CYP4F2: variants seen among roughly 807,000 people sequenced by gnomAD.
CYP4F2 encodes the protein cytochrome P450 4F2.
Under a neutral mutation model 58.9 loss-of-function variants are expected in CYP4F2, and 58 were observed. The ratio of observed to expected loss-of-function variants is 0.98; its 90% CI spans 0.80 to 1.23. The LOEUF (loss-of-function observed/expected upper bound fraction) is 1.23. Ranked by LOEUF, CYP4F2 falls within the 50% of genes most tolerant of loss-of-function variation. The pLI is 0.00. For synonymous variants in CYP4F2, 287 were observed against 261.1 expected (o/e 1.10, Z -0.95); for missense variants, 616 against 685.6 (o/e 0.90, Z 1.13).
chr19:15,893,250 G>A (rs2089427566), intron 3 of CYP4F2, among the ~76,000 whole-genome samples: 1 of 151,708 alleles, frequency 6.6e-6, no homozygotes, highest in African/African-American at 2.4e-5. Flanking sequence ...CTCAAATAAT[G>A]TCTCAGACAG....
Position 15,892,583 on chromosome 19 carries a change from C to T in CYP4F2, c.344-1G>A, listed in dbSNP as rs763450661. 3.7e-6 allele frequency: 6 copies of T among 1,613,628 alleles called. No individual in the cohort carries two copies. The highest frequency in any genetic ancestry group is 5.1e-6 in the Non-Finnish European group (6 of 1,179,812). On this transcript the variant is annotated splice_acceptor_variant, in intron 3 of 12. Coordinates refer to ENST00000221700, the MANE Select transcript of CYP4F2 (RefSeq NM_001082.5). LOFTEE classifies it high-confidence loss of function. ...AACTTGTCCTTTGGTGCAATGGCAG[C>T]TGACATAAATGAGGACAATCAGGGG...
chr19:15,895,690 AATTCT>A (rs1159615253), intron 2 of CYP4F2, 40 bp from the exon 3 acceptor site: 1 of 1,575,560 alleles, frequency 6.3e-7, no homozygotes, highest in Non-Finnish European at 8.6e-7. Context: ...TGTGATAGTT[AATTCT>A]AGGTGTCTAC....
At position 15,879,743 on chromosome 19, in the gene CYP4F2, TC is replaced by T. The variant is rs751153405; in HGVS notation, c.1249+20del. 96 of 1,613,756 alleles carry T rather than the reference TC, an allele frequency of 5.9e-5. 4 individuals carry two copies. In the East Asian group the frequency reaches 2.1e-3, roughly 35 times the overall value. ...CCCCTCTTCCTACCCAGGAGACTCC[TC>T]CCCGTGAGGCTGTGAGCACCTTTGG... On this transcript the variant is annotated intron_variant, in intron 10 of 12. Transcript: ENST00000221700.
At chr19:15,884,718 T>C (rs967178574) in intron 9 of CYP4F2, among the ~76,000 whole-genome samples, 1 of 151,792 alleles carries the variant, frequency 6.6e-6, no homozygotes, top group Admixed American at 6.6e-5. Context: ...TGGGCAAAGG[T>C]GTGGACGAGA....
chr19:15,882,231 C>G (rs12459936), intron 9 of CYP4F2, among the ~76,000 whole-genome samples: 3 of 146,420 alleles, frequency 2.0e-5, no homozygotes, highest in Non-Finnish European at 3.0e-5. Flanking sequence ...GGTGACAGAG[C>G]GAGACTCCAT....
intron 9 of CYP4F2, among the ~76,000 whole-genome samples, chr19:15,883,172 A>C (rs770645161): frequency 1.3e-5 from 2 of 152,234 alleles, no homozygotes; most frequent in Non-Finnish European, 2.9e-5. Flanking sequence ...AACAAAGTGA[A>C]GAATCAACTT....
chr19:15,897,032 G>A (rs1322675226), intron 2 of CYP4F2, among the ~76,000 whole-genome samples: 1 of 152,190 alleles, frequency 6.6e-6, no homozygotes, highest in Non-Finnish European at 1.5e-5. Context: ...CTCATAACAG[G>A]AAATAGTCCA....
In CYP4F2 at chr19:15,897,417, G is replaced by A. The variant is rs1056641863; in HGVS notation, c.195C>T (p.Gly65=). ...PRRNWFWGHQ[G]MVNPTEEGMR... ...CCCATCCTGCTGCCACACTCACCAT[G>A]CCCTGGTGTCCCCAAAACCAGTTCC... The change falls in exon 2 of 13, where the codon GGC becomes GGT. Residue 65 remains glycine (G), a synonymous_variant. Coordinates refer to ENST00000221700, the MANE Select transcript of CYP4F2 (RefSeq NM_001082.5). 2 of 1,591,654 alleles carry A rather than the reference G, an allele frequency of 1.3e-6. No individual in the cohort carries two copies. Among genetic ancestry groups the A allele is most frequent in the African/African-American group, 1.4e-5 (1 of 74,026 alleles).
chr19:15,879,469 C>T (rs1421084850), intron 11 of CYP4F2, 41 bp from the exon 12 acceptor site: 1 of 1,612,326 alleles, frequency 6.2e-7, no homozygotes, highest in Admixed American at 1.7e-5. Flanking sequence ...TGGGGTCTCC[C>T]AGTCCGCCAG....
intron 5 of CYP4F2, among the ~76,000 whole-genome samples, chr19:15,891,529 C>T (rs1322246993): frequency 6.6e-6 from 1 of 152,190 alleles, no homozygotes; most frequent in Non-Finnish European, 1.5e-5. Context: ...GCCATATCCA[C>T]ACCCTTTGCA....
intron 7 of CYP4F2, among the ~76,000 whole-genome samples, chr19:15,887,637 C>G (rs2089388504): frequency 6.6e-6 from 1 of 151,156 alleles, no homozygotes; most frequent in Admixed American, 6.6e-5. Flanking sequence ...AAGTCACAGA[C>G]TTAGAAACAT....
Position 15,889,370 on chromosome 19 carries a change from T to A in CYP4F2, c.918+53A>T, listed in dbSNP as rs575360942. On this transcript the variant is annotated intron_variant, in intron 7 of 12. Coordinates refer to ENST00000221700, the MANE Select transcript of CYP4F2 (RefSeq NM_001082.5). Reference sequence around the variant, plus strand: ...CAAGTTCAAATCCTTTCATCTGACATTTCACATGAAGCTCCCTTCTACTTC... The same window carrying A: ...CAAGTTCAAATCCTTTCATCTGACAATTCACATGAAGCTCCCTTCTACTTC... 2.5e-6 allele frequency: 4 copies of A among 1,611,542 alleles called. No homozygotes were observed. In the African/African-American group the frequency reaches 5.3e-5, roughly 22 times the overall value.
chr19:15,892,228 G>C lies in CYP4F2; in HGVS notation c.525+81C>G. The C allele has an allele frequency of 1.9e-6, 3 of 1,590,318 alleles. No homozygotes were observed. The South Asian group carries it at 3.4e-5, about 18-fold the overall frequency. On this transcript the variant is annotated intron_variant, in intron 5 of 12. Coordinates refer to ENST00000221700, the MANE Select transcript of CYP4F2 (RefSeq NM_001082.5). Reference sequence around the variant, plus strand: ...AGCAATGGCCCAATGGCACCCAGCAGAGCCAAAACTCCAGACTAGATCTCT... The same window carrying C: ...AGCAATGGCCCAATGGCACCCAGCACAGCCAAAACTCCAGACTAGATCTCT...
At chr19:15,884,920 A>T (rs1020534261) in intron 9 of CYP4F2, among the ~76,000 whole-genome samples, 2 of 152,124 alleles carry the variant, frequency 1.3e-5, no homozygotes, top group Non-Finnish European at 2.9e-5. Flanking sequence ...CACTGCTCAA[A>T]CACTTCCCAT....
chr19:15,880,253 GT>G lies in CYP4F2; in HGVS notation c.1116-357del, dbSNP rs894296434. Among the ~76,000 whole-genome samples, 18 of 152,062 alleles carry G rather than the reference GT, an allele frequency of 1.2e-4. 1 individual carries two copies. The highest frequency in any genetic ancestry group is 3.2e-3 in the Middle Eastern group (1 of 314). ...GAAGTTGAATATGCTCAAGATGGTA[GT>G]TTTTGCAGATAAAGGATAGTAATGA... is the stretch of plus-strand genomic sequence containing the variant. On this transcript the variant is annotated intron_variant, in intron 9 of 12. Transcript: ENST00000221700.
intron 5 of CYP4F2, among the ~76,000 whole-genome samples, chr19:15,891,409 G>A (rs1334862479): frequency 1.3e-5 from 2 of 151,954 alleles, no homozygotes; most frequent in African/African-American, 2.4e-5. Context: ...GGAGTCTCTC[G>A]TCCTTCTGGA....
At chr19:15,896,816 G>A (rs1035010823) in intron 2 of CYP4F2, among the ~76,000 whole-genome samples, 13 of 152,282 alleles carry the variant, frequency 8.5e-5, no homozygotes, top group Admixed American at 4.6e-4. Flanking sequence ...AGAGGAGAGC[G>A]GTCTAAGTCA....
chr19:15,886,329 C>CG (rs769068628), intron 7 of CYP4F2, 21 bp from the exon 8 acceptor site: 19 of 1,605,540 alleles, frequency 1.2e-5, no homozygotes, highest in Non-Finnish European at 1.6e-5. Context: ...GGCAGTAACC[C>CG]CCCCCAACCC....
intron 2 of CYP4F2, 79 bp from the exon 3 acceptor site, chr19:15,895,729 G>A (rs1455141861): frequency 3.3e-6 from 5 of 1,512,670 alleles, no homozygotes; most frequent in Non-Finnish European, 4.4e-6. Flanking sequence ...GGGATGCCCA[G>A]GTAGTTGGTC....
Sources: gnomAD v4.1 joint callset for allele counts (sites outside exome capture counted in the v4.1 genomes callset) on GRCh38, gnomAD v4.1.1 for gene constraint, MANE v1.5 for transcripts, NCBI Gene and HGNC (gene_info 2026-07-23, HGNC 2026-07-21) for gene names.